PRKN: variants seen among roughly 807,000 people sequenced by gnomAD.
PRKN encodes the protein parkin RBR E3 ubiquitin protein ligase, also known as E3 ubiquitin-protein ligase parkin.
Under a neutral mutation model 59.5 loss-of-function variants are expected in PRKN, and 56 were observed. The ratio of observed to expected loss-of-function variants is 0.94; its 90% CI spans 0.76 to 1.18. The LOEUF is 1.18. PRKN is among the 50% of genes most tolerant of loss of function. The probability of loss-of-function intolerance (pLI) is 0.00; values close to 1 mark genes in which losing one functional copy is unlikely to be tolerated. For missense variants in PRKN, 657 were observed against 596.4 expected (o/e 1.10, Z -1.06); for synonymous variants, 250 against 222.1 (o/e 1.13, Z -1.12).
At chr6:162,256,545 G>T (rs2128098172) in intron 3 of PRKN, among the ~76,000 whole-genome samples, 2 of 152,246 alleles carry the variant, frequency 1.3e-5, no homozygotes, top group Middle Eastern at 3.4e-3. Context: ...ATGCTCAGAT[G>T]ATTCCCAAGA....
chr6:161,785,984 T>G, intron 6 of PRKN, 76 bp from the exon 7 acceptor site: 9 of 1,463,058 alleles, frequency 6.2e-6, no homozygotes, highest in Non-Finnish European at 8.5e-6. Flanking sequence ...GACCAATTTC[T>G]GTAATCCTGG....
At chr6:162,240,163 C>G (rs557605507) in intron 3 of PRKN, among the ~76,000 whole-genome samples, 6 of 152,086 alleles carry the variant, frequency 3.9e-5, no homozygotes, top group Non-Finnish European at 5.9e-5. Flanking sequence ...TTCAAGGAGT[C>G]GGGGGAAGCT....
intron 2 of PRKN, among the ~76,000 whole-genome samples, chr6:162,432,692 A>G (rs970241951): frequency 1.3e-5 from 2 of 152,230 alleles, no homozygotes; most frequent in African/African-American, 4.8e-5. Context: ...CTTATCAATT[A>G]CAGAGGCAAA....
At chr6:161,936,859 C>T (rs951463483) in intron 6 of PRKN, among the ~76,000 whole-genome samples, 3 of 151,216 alleles carry the variant, frequency 2.0e-5, no homozygotes, top group Non-Finnish European at 4.4e-5. Context: ...GATCTTGGCT[C>T]ACTGAAACCT....
At chr6:162,413,452 T>A (rs1788450696) in intron 2 of PRKN, among the ~76,000 whole-genome samples, 3 of 152,186 alleles carry the variant, frequency 2.0e-5, no homozygotes, top group East Asian at 3.9e-4. Flanking sequence ...AGAAAAAAGT[T>A]AATAAGCTGC....
At position 161,361,861 on chromosome 6, in the gene PRKN, G is replaced by A. The variant is rs910578848; in HGVS notation, c.1168-1656C>T. Among the ~76,000 whole-genome samples the A allele has an allele frequency of 6.6e-6, 1 of 152,088 alleles. No homozygotes were observed. Among genetic ancestry groups the A allele is most frequent in the Non-Finnish European group, 1.5e-5 (1 of 68,026 alleles). The stretch of plus-strand genomic sequence containing the variant: ...CAGTGAGGGCGCTGTGGTTAGTGAG[G>A]GCCATTTCACAACTTGGTAACTAGG... On this transcript the variant is annotated intron_variant, in intron 10 of 11. Coordinates refer to ENST00000366898, the MANE Select transcript of PRKN (RefSeq NM_004562.3). The surrounding 1 kb of genome is among the most constrained non-coding windows in gnomAD (Gnocchi z 5.2).
At chr6:161,680,449 C>T (rs908989764) in intron 7 of PRKN, among the ~76,000 whole-genome samples, 3 of 151,978 alleles carry the variant, frequency 2.0e-5, no homozygotes, top group South Asian at 2.1e-4. Flanking sequence ...CGTCCTCGAG[C>T]GTCCATTTGA....
rs1450092861 is a variant in PRKN, at chr6:161,483,698, A to G, written c.1083+65156T>C. ...TTACTCACTGTGACCTCTTCTACTT[A>G]TTTCTTAAGGCATGGGAGTGGCATA... is the stretch of plus-strand genomic sequence containing the variant. On this transcript the variant is annotated intron_variant, in intron 9 of 11. Transcript: ENST00000366898. This position sits in a 1 kb window ranked among gnomAD's most constrained non-coding sequence, Gnocchi z 5.0. Among the ~76,000 whole-genome samples, 4 of 152,138 alleles carry G rather than the reference A, an allele frequency of 2.6e-5. No homozygotes were observed. The highest frequency in any genetic ancestry group is 4.8e-5 in the African/African-American group (2 of 41,436).
chr6:161,438,218 T>TAA, intron 9 of PRKN, among the ~76,000 whole-genome samples: 1 of 142,004 alleles, frequency 7.0e-6, no homozygotes. Flanking sequence ...TCTGTTAATT[T>TAA]TTTTTTTTTT....
intron 9 of PRKN, among the ~76,000 whole-genome samples, chr6:161,476,869 A>G (rs936827134): frequency 6.6e-6 from 1 of 152,250 alleles, no homozygotes; most frequent in Non-Finnish European, 1.5e-5. Flanking sequence ...ATGAAAAGGA[A>G]GGCAATGGAA....
At chr6:161,843,135 A>G (rs1347541740) in intron 6 of PRKN, among the ~76,000 whole-genome samples, 1 of 152,154 alleles carries the variant, frequency 6.6e-6, no homozygotes, top group Non-Finnish European at 1.5e-5. Context: ...TATAGTCAGA[A>G]AAGTTTAAGA....
chr6:161,743,083 G>A (rs1157789330), intron 7 of PRKN, among the ~76,000 whole-genome samples: 1 of 151,944 alleles, frequency 6.6e-6, no homozygotes, highest in Non-Finnish European at 1.5e-5. Flanking sequence ...TCAACTTATT[G>A]GCTGAAATGA....
intron 1 of PRKN, among the ~76,000 whole-genome samples, chr6:162,581,810 G>C (rs978889246): frequency 6.6e-6 from 1 of 152,118 alleles, no homozygotes; most frequent in African/African-American, 2.4e-5. Context: ...TCAACTAATA[G>C]AGTTAGGTAA....
rs1416824530 is a variant in PRKN, at chr6:161,592,980, T to A, written c.872-23564A>T. On this transcript the variant is annotated intron_variant, in intron 7 of 11. Coordinates refer to ENST00000366898, the MANE Select transcript of PRKN (RefSeq NM_004562.3). This position sits in a 1 kb window ranked among gnomAD's most constrained non-coding sequence, Gnocchi z 4.8. ...GGTAGTGATGTCATAGCCTTCATAT[T>A]TTAGAAGGCATTCTACATTATAATA... Among the ~76,000 whole-genome samples the A allele has an allele frequency of 2.0e-5, 3 of 152,162 alleles. No homozygotes were observed. The highest frequency in any genetic ancestry group is 4.4e-5 in the Non-Finnish European group (3 of 68,014).
chr6:161,412,023 A>T (rs533970952), intron 9 of PRKN, among the ~76,000 whole-genome samples: 2 of 97,404 alleles, frequency 2.1e-5, no homozygotes, highest in Admixed American at 1.3e-4. Flanking sequence ...TCATTCATTC[A>T]CTCATTCATT....
intron 6 of PRKN, among the ~76,000 whole-genome samples, chr6:161,792,879 C>T (rs529158090): frequency 6.6e-6 from 1 of 152,260 alleles, no homozygotes; most frequent in Non-Finnish European, 1.5e-5. Flanking sequence ...CTTTAAGCCC[C>T]TTTTAGTTAG....
At chr6:162,719,959 C>A (rs1054662032) in intron 1 of PRKN, among the ~76,000 whole-genome samples, 1 of 151,608 alleles carries the variant, frequency 6.6e-6, no homozygotes, top group Non-Finnish European at 1.5e-5. Flanking sequence ...TACAAATGTT[C>A]CTTCCTATTT....
At chr6:162,083,154 C>T (rs541559507) in intron 4 of PRKN, among the ~76,000 whole-genome samples, 1 of 152,048 alleles carries the variant, frequency 6.6e-6, no homozygotes, top group East Asian at 1.9e-4. Context: ...GGGGTTTTTC[C>T]ATATTGGCCA....
At chr6:162,640,513 A>C (rs1292099177) in intron 1 of PRKN, among the ~76,000 whole-genome samples, 1 of 152,198 alleles carries the variant, frequency 6.6e-6, no homozygotes, top group Admixed American at 6.5e-5. Context: ...GCTTGGGAAA[A>C]AGGAGAAAGG....
Sources: allele counts gnomAD v4.1 joint callset (sites outside exome capture counted in the v4.1 genomes callset), GRCh38; gene constraint gnomAD v4.1.1; non-coding constraint Gnocchi (gnomAD v3.1); transcripts MANE v1.5; gene names NCBI Gene and HGNC (gene_info 2026-07-23, HGNC 2026-07-21).